Variants in HHAT observed in about 807,000 individuals in gnomAD.
HHAT encodes hedgehog acyltransferase, also known as protein-cysteine N-palmitoyltransferase HHAT.
In HHAT, 47 loss-of-function variants were observed where a neutral mutation model predicts 70.8. That is an observed-to-expected ratio of 0.66 (90% CI 0.53 to 0.85). HHAT has a LOEUF of 0.85. Among genes scored for constraint, HHAT ranks in the 40% least tolerant of loss-of-function variants. The pLI is 0.00. For missense variants in HHAT, 609 were observed against 604.8 expected, an observed-to-expected ratio of 1.01 and a Z score of -0.07; for synonymous variants, 228 against 247.6, an observed-to-expected ratio of 0.92 and a Z score of 0.74.
chr1:210,512,625 C>T (rs1480420400), intron 8 of HHAT, among the ~76,000 whole-genome samples: 1 of 146,846 alleles, frequency 6.8e-6, no homozygotes, highest in Non-Finnish European at 1.5e-5. Context: ...TAAATGTGAT[C>T]GCACCGCTGC....
chr1:210,332,150 T>G (rs1011622707), intron 1 of HHAT, among the ~76,000 whole-genome samples: 1 of 152,220 alleles, frequency 6.6e-6, no homozygotes, highest in South Asian at 2.1e-4. Flanking sequence ...TCACAGTGCA[T>G]AGACTCACAT....
chr1:210,334,177 C>CTTTTTTTTT lies in HHAT; in HGVS notation c.-44+5073_-44+5074insTTTTTTTTT, dbSNP rs1342123521. On this transcript the variant is annotated intron_variant, in intron 1 of 11. Coordinates refer to ENST00000261458, the MANE Select transcript of HHAT (RefSeq NM_018194.6). ...GTACTTGCTGGCCACTTTAGCGTGT[C>CTTTTTTTTT]ATTTTTTTTTTTTTTTTTTTTGAGA... 7.6e-3 allele frequency among the ~76,000 whole-genome samples: 264 copies of CTTTTTTTTT among 34,520 alleles called. 2 individuals are homozygous for CTTTTTTTTT. Among genetic ancestry groups the CTTTTTTTTT allele is most frequent in the African/African-American group, 0.04 (245 of 6,058 alleles). The allele number at this position is 34,520 out of a possible 152,430, so 22.6% of individuals were successfully genotyped here.
At chr1:210,449,339 C>T (rs562290333) in intron 7 of HHAT, among the ~76,000 whole-genome samples, 2 of 148,152 alleles carry the variant, frequency 1.3e-5, no homozygotes, top group Non-Finnish European at 3.0e-5. Flanking sequence ...ATATAATTTT[C>T]TTATTTGATT....
intron 7 of HHAT, among the ~76,000 whole-genome samples, chr1:210,450,299 G>GC (rs895771381): frequency 4.0e-5 from 6 of 150,812 alleles, no homozygotes; most frequent in Non-Finnish European, 7.4e-5. Context: ...TCAGGTGGGG[G>GC]GGGTGGGAAA....
intron 8 of HHAT, among the ~76,000 whole-genome samples, chr1:210,467,321 T>G (rs1363933939): frequency 6.6e-6 from 1 of 152,208 alleles, no homozygotes; most frequent in Non-Finnish European, 1.5e-5. Flanking sequence ...AGAGTGTCTC[T>G]TTTGTGTGAT....
At chr1:210,464,895 G>A (rs560934655) in intron 8 of HHAT, among the ~76,000 whole-genome samples, 4 of 152,256 alleles carry the variant, frequency 2.6e-5, no homozygotes, top group South Asian at 2.1e-4. Flanking sequence ...TCTGTGTACC[G>A]ATGCACAAAG....
intron 9 of HHAT, among the ~76,000 whole-genome samples, chr1:210,554,535 G>A (rs1371389683): frequency 6.6e-6 from 1 of 152,146 alleles, no homozygotes; most frequent in Admixed American, 6.5e-5. Context: ...TGTGATTTGT[G>A]GGTGTGAGTC....
intron 9 of HHAT, among the ~76,000 whole-genome samples, chr1:210,547,561 G>C (rs1019599486): frequency 4.6e-5 from 7 of 152,118 alleles, no homozygotes; most frequent in African/African-American, 1.7e-4. Flanking sequence ...TATTAAGGCA[G>C]GTCCCAAAGG....
intron 3 of HHAT, among the ~76,000 whole-genome samples, chr1:210,386,230 C>CTTTTTTTTTCTTTTTTTTTTTTTTTTTT: frequency 1.4e-5 from 1 of 69,922 alleles, no homozygotes; most frequent in Non-Finnish European, 2.6e-5. Context: ...TTCTTTTTTT[C>CTTTTTTTTTCTTTTTTTTTTTTTTTTTT]TTTTTTTTTT....
intron 11 of HHAT, among the ~76,000 whole-genome samples, chr1:210,637,359 T>G (rs1672067810): frequency 6.6e-6 from 1 of 152,134 alleles, no homozygotes; most frequent in South Asian, 2.1e-4. Context: ...AAATAATAAT[T>G]TCTCAGATAT....
chr1:210,535,184 T>C (rs2095357951), intron 9 of HHAT, among the ~76,000 whole-genome samples: 1 of 152,210 alleles, frequency 6.6e-6, no homozygotes, highest in Non-Finnish European at 1.5e-5. Flanking sequence ...CTCTGGGTTA[T>C]AGGACCTCCA....
intron 6 of HHAT, among the ~76,000 whole-genome samples, chr1:210,413,440 G>C (rs1258775797): frequency 6.6e-6 from 1 of 152,180 alleles, no homozygotes; most frequent in African/African-American, 2.4e-5. Flanking sequence ...GAAAGGCTGA[G>C]AGTTTTCCAA....
chr1:210,587,326 A>C (rs1660679696), intron 9 of HHAT, among the ~76,000 whole-genome samples: 1 of 152,238 alleles, frequency 6.6e-6, no homozygotes, highest in Non-Finnish European at 1.5e-5. Flanking sequence ...GCCGGAGAGC[A>C]TGTGCAGGGG....
At chr1:210,621,780 A>G (rs115973833) in intron 10 of HHAT, among the ~76,000 whole-genome samples, 245 of 152,294 alleles carry the variant, frequency 1.6e-3, no homozygotes, top group African/African-American at 5.7e-3. Flanking sequence ...GCCTCTAAGT[A>G]GAGACACCCT....
intron 1 of HHAT, 132 bp downstream of exon 1, chr1:210,329,236 AG>A: frequency 1.7e-6 from 2 of 1,196,166 alleles, no homozygotes; most frequent in Non-Finnish European, 2.1e-6. Context: ...TGCGCGCCCG[AG>A]GGCGGGACAG....
intron 4 of HHAT, among the ~76,000 whole-genome samples, chr1:210,392,847 A>G (rs1389935831): frequency 6.6e-6 from 1 of 152,120 alleles, no homozygotes. Context: ...ACTGATATTA[A>G]TAACCTGTTC....
At chr1:210,369,061 A>G (rs2089295328) in intron 3 of HHAT, among the ~76,000 whole-genome samples, 1 of 152,074 alleles carries the variant, frequency 6.6e-6, no homozygotes, top group Admixed American at 6.5e-5. Context: ...CTGGGCAACA[A>G]GAGTGAAACT....
chr1:210,417,476 C>T (rs1345805053), intron 6 of HHAT, among the ~76,000 whole-genome samples: 2 of 152,208 alleles, frequency 1.3e-5, no homozygotes, highest in Non-Finnish European at 2.9e-5. Context: ...CTCAGGTGAT[C>T]TGCCCACCTG....
intron 9 of HHAT, among the ~76,000 whole-genome samples, chr1:210,537,133 T>A (rs1317353290): frequency 2.6e-5 from 4 of 152,042 alleles, no homozygotes; most frequent in African/African-American, 9.7e-5. Flanking sequence ...TAGAAAACAC[T>A]GAGAAAAGAT....
Sources: allele counts gnomAD v4.1 joint callset (sites outside exome capture counted in the v4.1 genomes callset), GRCh38; gene constraint gnomAD v4.1.1; transcripts MANE v1.5; gene names NCBI Gene and HGNC (gene_info 2026-07-23, HGNC 2026-07-21).